Variants in IL15 observed in about 807,000 individuals in gnomAD.
The protein encoded by IL15 is interleukin 15.
Under a neutral mutation model 19.6 loss-of-function variants are expected in IL15, and 11 were observed. The ratio of observed to expected loss-of-function variants is 0.56; its 90% CI spans 0.35 to 0.93. The LOEUF is 0.93. IL15 is among the 40% of genes least tolerant of loss of function. IL15 has a pLI of 0.01. For synonymous variants in IL15, 58 were observed against 59.6 expected, an observed-to-expected ratio of 0.97 and a Z score of 0.12; for missense variants, 197 against 186.5, an observed-to-expected ratio of 1.06 and a Z score of -0.33.
Position 141,649,657 on chromosome 4 carries a change from T to C in IL15, c.-221-6529T>C, listed in dbSNP as rs145111203. Among the ~76,000 whole-genome samples, 792 of 152,178 alleles carry C rather than the reference T, an allele frequency of 5.2e-3. 14 individuals carry two copies. Among genetic ancestry groups the C allele is most frequent in the African/African-American group, 0.018 (767 of 41,526 alleles). The stretch of plus-strand genomic sequence containing the variant: ...CAAAGATTTTTAAAAATCAATAACA[T>C]TTTTCAATAGTAAATAAAGCATTAG... On this transcript the variant is annotated intron_variant, in intron 1 of 7. Transcript: ENST00000320650.
chr4:141,706,033 G>A (rs1729503185), intron 2 of IL15, among the ~76,000 whole-genome samples: 1 of 151,742 alleles, frequency 6.6e-6, no homozygotes, highest in Non-Finnish European at 1.5e-5. Context: ...TTTAACTGGA[G>A]AATTTAGTCC....
At chr4:141,731,443 T>C (rs1398813597) in intron 7 of IL15, among the ~76,000 whole-genome samples, 1 of 152,156 alleles carries the variant, frequency 6.6e-6, no homozygotes, top group East Asian at 1.9e-4. Flanking sequence ...TTTATTAAGG[T>C]TTATAATACT....
chr4:141,731,509 C>T (rs1203999097), intron 7 of IL15, among the ~76,000 whole-genome samples: 1 of 152,198 alleles, frequency 6.6e-6, no homozygotes, highest in Non-Finnish European at 1.5e-5. Context: ...CAACAGGTAA[C>T]TCATGGCAAA....
In IL15 at chr4:141,710,115, G is replaced by A. The variant is rs185796459; in HGVS notation, c.-99-9251G>A. On this transcript the variant is annotated intron_variant, in intron 2 of 7. Transcript: ENST00000320650. Reference sequence around the variant, plus strand: ...TTTTTATGACTGCATAGTATTCCAAGGTGTATATATACCACATTTTAAAAA... The same window carrying A: ...TTTTTATGACTGCATAGTATTCCAAAGTGTATATATACCACATTTTAAAAA... Among the ~76,000 whole-genome samples, 183 of 152,224 alleles carry A rather than the reference G, an allele frequency of 1.2e-3. 1 individual carries two copies. Among genetic ancestry groups the A allele is most frequent in the African/African-American group, 4.2e-3 (173 of 41,516 alleles).
chr4:141,684,900 T>G (rs1276830996), intron 2 of IL15, among the ~76,000 whole-genome samples: 1 of 152,206 alleles, frequency 6.6e-6, no homozygotes, highest in East Asian at 1.9e-4. Flanking sequence ...GTTTGTAGTT[T>G]AATATTTATT....
At chr4:141,713,825 CTTACATATAGT>C (rs1733504233) in intron 2 of IL15, among the ~76,000 whole-genome samples, 1 of 152,112 alleles carries the variant, frequency 6.6e-6, no homozygotes, top group Non-Finnish European at 1.5e-5. Flanking sequence ...CAATCGCTCC[CTTACATATAGT>C]TTGAAATCCC....
At chr4:141,711,601 C>A (rs1395758445) in intron 2 of IL15, among the ~76,000 whole-genome samples, 1 of 152,042 alleles carries the variant, frequency 6.6e-6, no homozygotes, top group African/African-American at 2.4e-5. Context: ...TTTCTGACCA[C>A]AAGAATTTCA....
intron 6 of IL15, among the ~76,000 whole-genome samples, chr4:141,729,555 C>T (rs1044763769): frequency 2.0e-5 from 3 of 152,080 alleles, no homozygotes; most frequent in African/African-American, 7.2e-5. Context: ...TTACCCTTTC[C>T]ACAGGGGAAA....
At chr4:141,644,081 TCAAAATATACCCTA>T (rs999019079) in intron 1 of IL15, among the ~76,000 whole-genome samples, 2 of 151,956 alleles carry the variant, frequency 1.3e-5, no homozygotes, top group Non-Finnish European at 2.9e-5. Context: ...AGCTAGGCCT[TCAAAATATACCCTA>T]CATCCTATCT....
Position 141,659,659 on chromosome 4 carries a change from G to A in IL15, c.-100+3352G>A, listed in dbSNP as rs75653948. Among the ~76,000 whole-genome samples the A allele has an allele frequency of 2.2e-3, 335 of 152,272 alleles. 2 individuals carry two copies. Among genetic ancestry groups the A allele is most frequent in the Middle Eastern group, 0.017 (5 of 294 alleles). On this transcript the variant is annotated intron_variant, in intron 2 of 7. Transcript: ENST00000320650. ...TTGTCACTGAGATATTGATGGAAATGAATAAACATTCTTTTTAAAAAAATT... is the reference window on the plus strand; with the variant it reads ...TTGTCACTGAGATATTGATGGAAATAAATAAACATTCTTTTTAAAAAAATT...
intron 1 of IL15, among the ~76,000 whole-genome samples, chr4:141,646,321 C>T (rs983983076): frequency 6.6e-6 from 1 of 152,084 alleles, no homozygotes; most frequent in African/African-American, 2.4e-5. Flanking sequence ...TGCTACTCTT[C>T]CCTTAGCTCA....
At chr4:141,658,921 G>A (rs1390540293) in intron 2 of IL15, among the ~76,000 whole-genome samples, 14 of 150,638 alleles carry the variant, frequency 9.3e-5, no homozygotes, top group African/African-American at 3.4e-4. Flanking sequence ...GTGCAGTGGT[G>A]CGATCTCGGC....
intron 2 of IL15, among the ~76,000 whole-genome samples, chr4:141,667,748 T>C (rs976827970): frequency 5.9e-5 from 9 of 152,206 alleles, no homozygotes; most frequent in Non-Finnish European, 1.0e-4. Flanking sequence ...ATTTCTTTTA[T>C]AATGTGAGGT....
At chr4:141,726,391 G>A (rs190131300) in intron 5 of IL15, among the ~76,000 whole-genome samples, 13 of 152,162 alleles carry the variant, frequency 8.5e-5, no homozygotes, top group Admixed American at 2.6e-4. Context: ...AGCTATAAGC[G>A]TATACAGAAT....
chr4:141,661,987 C>G (rs1727807082), intron 2 of IL15, among the ~76,000 whole-genome samples: 1 of 152,116 alleles, frequency 6.6e-6, no homozygotes, highest in Non-Finnish European at 1.5e-5. Context: ...AAATGTATTG[C>G]TTAATTTTCA....
chr4:141,733,844 A>C lies in IL15; in HGVS notation c.*996A>C, dbSNP rs1022738563. 4.6e-5 allele frequency: 7 copies of C among 152,142 alleles called. No individual in the cohort carries two copies. Among genetic ancestry groups the C allele is most frequent in the Non-Finnish European group, 8.8e-5 (6 of 68,010 alleles). The allele number at this position is 152,142 out of a possible 1,614,324, so 9.4% of individuals were successfully genotyped here. A position where few individuals can be genotyped will look rare whatever the true frequency, so the allele number is the denominator to read the frequency against. On this transcript the variant is annotated 3_prime_UTR_variant, in exon 8 of 8. Transcript: ENST00000320650. ...ATAATAATAAAGAAAAACCCTGTTG[A>C]TTTGTTGGAGCCATTGTTATCTGAC... is the stretch of plus-strand genomic sequence containing the variant.
chr4:141,687,784 C>T (rs1728756274), intron 2 of IL15, among the ~76,000 whole-genome samples: 1 of 151,894 alleles, frequency 6.6e-6, no homozygotes, highest in Non-Finnish European at 1.5e-5. Context: ...TCTAAATAAC[C>T]CAGCCTTTTA....
intron 2 of IL15, chr4:141,718,977 T>C (rs1168272340): frequency 6.6e-6 from 1 of 152,566 alleles, no homozygotes; most frequent in African/African-American, 2.4e-5. Flanking sequence ...TCAGTGGCTG[T>C]AGAAATGGCT....
intron 2 of IL15, among the ~76,000 whole-genome samples, chr4:141,672,553 T>G (rs1046330337): frequency 4.6e-5 from 7 of 152,224 alleles, no homozygotes; most frequent in Non-Finnish European, 8.8e-5. Context: ...ATTTATAATT[T>G]ATATCCCACA....
Sources: gnomAD v4.1 joint callset for allele counts (sites outside exome capture counted in the v4.1 genomes callset) on GRCh38, gnomAD v4.1.1 for gene constraint, MANE v1.5 for transcripts, NCBI Gene and HGNC (gene_info 2026-07-23, HGNC 2026-07-21) for gene names.